MS4A18: variants seen among roughly 807,000 people sequenced by gnomAD.
MS4A18 encodes membrane spanning 4-domains A18.
MS4A18 carries 27 observed loss-of-function variants against 13.1 expected under a neutral mutation model. That is an observed-to-expected ratio of 2.06 (90% CI 1.52 to 2.84). The LOEUF (loss-of-function observed/expected upper bound fraction) is 2.84, where lower values mean the gene tolerates loss of function less well. MS4A18 is among the 30% of genes most tolerant of loss of function. The pLI is 0.00. For missense variants in MS4A18, 307 were observed against 196.4 expected, an observed-to-expected ratio of 1.56 and a Z score of -3.37; for synonymous variants, 126 against 76.5, an observed-to-expected ratio of 1.65 and a Z score of -3.38.
exon 1 of MS4A18, chr11:60,729,552 G>C (rs1253566465): frequency 2.8e-6 from 2 of 702,736 alleles, no homozygotes; most frequent in Non-Finnish European, 5.2e-6. Context: ...AACCCATTGG[G>C]TATCAGCGAC....
At chr11:60,737,786 G>T (rs76777723) in intron 3 of MS4A18, among the ~76,000 whole-genome samples, 2,396 of 152,228 alleles carry the variant, frequency 0.016, 70 homozygotes, top group African/African-American at 0.055. Flanking sequence ...CCTTTTGATG[G>T]GAAAGCAGTA....
chr11:60,744,062 A>G (rs1853450765), exon 6 of MS4A18: 2 of 652,440 alleles, frequency 3.1e-6, no homozygotes, highest in Non-Finnish European at 5.6e-6. Flanking sequence ...CTGTAGCTGT[A>G]TCTTTTCTTC....
At chr11:60,744,103 CCT>C in exon 6 of MS4A18, 1 of 616,520 alleles carries the variant, frequency 1.6e-6, no homozygotes, top group Non-Finnish European at 2.9e-6. Context: ...ATGACCCTAG[CCT>C]TGTTGCCAGA....
At chr11:60,739,280 C>G (rs1175558828) in intron 4 of MS4A18, among the ~76,000 whole-genome samples, 1 of 152,028 alleles carries the variant, frequency 6.6e-6, no homozygotes, top group Non-Finnish European at 1.5e-5. Flanking sequence ...ACCAGGTAAG[C>G]GGCCTAGGGG....
chr11:60,744,008 A>C (rs1420634985), exon 6 of MS4A18: 2 of 696,332 alleles, frequency 2.9e-6, no homozygotes, highest in African/African-American at 3.5e-5. Context: ...ATTTGCACAG[A>C]GATAGATGAC....
At chr11:60,734,224 C>G (rs967354172) in intron 2 of MS4A18, among the ~76,000 whole-genome samples, 5 of 152,058 alleles carry the variant, frequency 3.3e-5, no homozygotes, top group Admixed American at 2.0e-4. Context: ...CCACTGCACT[C>G]CAGCCTGGGT....
In MS4A18 at chr11:60,740,596, C is replaced by T. The variant is rs529757995; in HGVS notation, c.745-434C>T. On this transcript the variant is annotated intron_variant, in intron 4 of 5. Coordinates refer to ENST00000529108, the Ensembl canonical transcript of MS4A18. ...AGCCAGTGCACTTGTTGAAATGTCT[C>T]AGTTTGGGTTCCTCCCAGGAGCAGA... Among the ~76,000 whole-genome samples the T allele has an allele frequency of 5.4e-4, 82 of 152,330 alleles. 1 individual carries two copies. In the South Asian group the frequency reaches 0.011, roughly 20 times the overall value.
At chr11:60,725,247 G>GA (rs1853132857), upstream of MS4A18, among the ~76,000 whole-genome samples, 1 of 152,150 alleles carries the variant, frequency 6.6e-6, no homozygotes, top group African/African-American at 2.4e-5. Context: ...AGGCTGGAGT[G>GA]CAGTGGCGCG....
chr11:60,733,354 T>TA (rs567241119), intron 1 of MS4A18, among the ~76,000 whole-genome samples, 180 bp from the exon 3 acceptor site: 33 of 152,272 alleles, frequency 2.2e-4, no homozygotes, highest in South Asian at 1.9e-3. Context: ...GTGAAGTTTT[T>TA]AAAAAAACAC....
chr11:60,744,037 T>C (rs1319269364), exon 6 of MS4A18: 1 of 680,594 alleles, frequency 1.5e-6, no homozygotes, highest in South Asian at 1.6e-5. Context: ...CCTGTCTCAA[T>C]GACAAGGGGA....
At position 60,733,618 on chromosome 11, in the gene MS4A18, T is replaced by TC; in HGVS notation, c.563dup (p.Gly189ArgfsTer98). On this transcript the variant is annotated frameshift_variant, in exon 2 of 6. Transcript: ENST00000529108. LOFTEE classifies it high-confidence loss of function. The stretch of plus-strand genomic sequence containing the variant: ...TTACTATCCTTTTGTGACCTGGTTG[T>TC]CAGGGTACCCGCTCTGGGGAGGATT... 1.4e-6 allele frequency: 1 copy of TC among 703,642 alleles called. No homozygotes were observed. The highest frequency in any genetic ancestry group is 2.6e-6 in the Non-Finnish European group (1 of 385,148). 43.6% of individuals were successfully genotyped at this position (703,642 alleles called of 1,614,324 possible).
intron 2 of MS4A18, among the ~76,000 whole-genome samples, chr11:60,736,607 G>A (rs753828578): frequency 2.0e-5 from 3 of 152,174 alleles, no homozygotes; most frequent in Non-Finnish European, 4.4e-5. Flanking sequence ...GTTGAGGATA[G>A]GGCAGCGGAG....
At chr11:60,732,014 G>A (rs7113387) in intron 1 of MS4A18, among the ~76,000 whole-genome samples, 145,209 of 152,070 alleles carry the variant, frequency 0.95, 69,428 homozygotes, top group East Asian at 1. Flanking sequence ...GGATGTTCAT[G>A]TGAAACCCAG....
chr11:60,743,606 T>A lies in MS4A18; in HGVS notation c.859-44T>A, dbSNP rs143053354. 115 of 687,754 alleles carry A rather than the reference T, an allele frequency of 1.7e-4. 1 individual carries two copies. In the East Asian group the frequency reaches 3.1e-3, roughly 18 times the overall value. The allele number at this position is 687,754 out of a possible 1,614,324, so 42.6% of individuals were successfully genotyped here. Reference sequence around the variant, plus strand: ...AAAAAATTATGGCCATTGTTGTTGTTTACTACAGAGGAAGATGACGACCAC... The same window carrying A: ...AAAAAATTATGGCCATTGTTGTTGTATACTACAGAGGAAGATGACGACCAC... On this transcript the variant is annotated intron_variant, in intron 5 of 5. Transcript: ENST00000529108.
At chr11:60,731,242 A>T (rs554012088) in intron 1 of MS4A18, among the ~76,000 whole-genome samples, 1 of 152,348 alleles carries the variant, frequency 6.6e-6, no homozygotes, top group South Asian at 2.1e-4. Flanking sequence ...ATTATTATTA[A>T]TTAATACTGG....
chr11:60,733,700 A>C, intron 2 of MS4A18, 53 bp downstream of exon 3: 1 of 702,826 alleles, frequency 1.4e-6, no homozygotes, highest in Non-Finnish European at 2.6e-6. Flanking sequence ...TGGGACAAGA[A>C]GGAAGTGGAG....
intron 2 of MS4A18, 31 bp from the exon 4 acceptor site, chr11:60,736,947 C>T (rs1853348827): frequency 1.0e-5 from 7 of 686,578 alleles, no homozygotes; most frequent in Non-Finnish European, 1.8e-5. Context: ...CACAATTGGT[C>T]ATTCTTTTTT....
chr11:60,741,233 G>A (rs1853410933), intron 5 of MS4A18, 90 bp downstream of exon 6: 7 of 697,996 alleles, frequency 1.0e-5, no homozygotes, highest in Non-Finnish European at 1.8e-5. Flanking sequence ...CTGGAGAAAT[G>A]AGGCCTGAGA....
At chr11:60,726,705 A>G (rs928363851), upstream of MS4A18, among the ~76,000 whole-genome samples, 1 of 139,060 alleles carries the variant, frequency 7.2e-6, no homozygotes, top group Non-Finnish European at 1.6e-5. Context: ...CTTTTTTAAG[A>G]TTGGGGTAAC....
Sources: allele counts gnomAD v4.1 joint callset (sites outside exome capture counted in the v4.1 genomes callset), GRCh38; gene constraint gnomAD v4.1.1; transcripts MANE v1.5; gene names NCBI Gene and HGNC (gene_info 2026-07-23, HGNC 2026-07-21).